Variants in DIP2B observed in about 807,000 individuals in gnomAD.
DIP2B encodes DIP2 acetate--CoA ligase B (putative), also known as disco-interacting protein 2 homolog B.
DIP2B carries 76 observed loss-of-function variants against 198.0 expected under a neutral mutation model. The ratio of observed to expected loss-of-function variants is 0.38; its 90% confidence interval spans 0.32 to 0.46. DIP2B has a LOEUF of 0.46. Ranked by LOEUF, DIP2B falls within the 20% of genes least tolerant of loss-of-function variation. The pLI is 0.99. For synonymous variants in DIP2B, 701 were observed against 739.1 expected (o/e 0.95, Z 0.84); for missense variants, 1,559 against 1,978.4 (o/e 0.79, Z 4.02).
chr12:50,614,377 T>G (rs1937656605), intron 1 of DIP2B, among the ~76,000 whole-genome samples: 1 of 151,834 alleles, frequency 6.6e-6, no homozygotes, highest in African/African-American at 2.4e-5. Context: ...AGGATTCCTT[T>G]TCTGGTTGCC....
chr12:50,550,543 C>T (rs1238804807), intron 1 of DIP2B, among the ~76,000 whole-genome samples: 2 of 152,114 alleles, frequency 1.3e-5, no homozygotes, highest in East Asian at 1.9e-4. Flanking sequence ...ACAGACTTTT[C>T]CATCCCTCAT....
At position 50,746,249 on chromosome 12, in the gene DIP2B, T is replaced by C. The variant is rs1940339669; in HGVS notation, c.*1410T>C. ...TTCTTAACAGAAATATTTTTAAAAA[T>C]GAAAAAGTACTCAAAAGTGAGAAGA... On this transcript the variant is annotated 3_prime_UTR_variant, in exon 38 of 38. Transcript: ENST00000301180. 1 of 152,168 alleles carries C rather than the reference T, an allele frequency of 6.6e-6. No homozygotes were observed. Among genetic ancestry groups the C allele is most frequent in the African/African-American group, 2.4e-5 (1 of 41,448 alleles). The allele number at this position is 152,168 out of a possible 1,614,324, so 9.4% of individuals were successfully genotyped here.
intron 4 of DIP2B, among the ~76,000 whole-genome samples, chr12:50,670,594 T>C (rs1938835064): frequency 6.6e-6 from 1 of 152,002 alleles, no homozygotes; most frequent in South Asian, 2.1e-4. Context: ...TTTTTGTATT[T>C]TTAGTAGAGA....
chr12:50,540,404 C>T (rs564970807), intron 1 of DIP2B, among the ~76,000 whole-genome samples: 1 of 151,636 alleles, frequency 6.6e-6, no homozygotes, highest in South Asian at 2.1e-4. Context: ...CCACCGTGCC[C>T]AGCCAGCTAT....
chr12:50,663,483 A>G (rs893069523), intron 4 of DIP2B, among the ~76,000 whole-genome samples: 4 of 150,628 alleles, frequency 2.7e-5, no homozygotes, highest in African/African-American at 9.8e-5. Flanking sequence ...GTGAACCTGG[A>G]AGGCAGAGCT....
chr12:50,517,492 C>T (rs1319525766), intron 1 of DIP2B, among the ~76,000 whole-genome samples: 1 of 152,150 alleles, frequency 6.6e-6, no homozygotes, highest in Non-Finnish European at 1.5e-5. Flanking sequence ...TCTCCTAACT[C>T]ATCAGCCTGT....
At chr12:50,685,614 T>C (rs1939117979) in intron 10 of DIP2B, among the ~76,000 whole-genome samples, 1 of 152,268 alleles carries the variant, frequency 6.6e-6, no homozygotes, top group South Asian at 2.1e-4. Flanking sequence ...ATTTGTAATG[T>C]CTGGTTAATA....
Position 50,679,136 on chromosome 12 carries a change from C to G in DIP2B, c.1114+260C>G, listed in dbSNP as rs1938996460. On this transcript the variant is annotated intron_variant, in intron 8 of 37. Coordinates refer to ENST00000301180, the MANE Select transcript of DIP2B (RefSeq NM_173602.3). ...TACATCCATAGATGTTTTAACATTA[C>G]AAGAGGATTTTAGAAAAACATTTGG... is the stretch of plus-strand genomic sequence containing the variant. The G allele has an allele frequency of 1.2e-5, 5 of 425,604 alleles. No individual in the cohort carries two copies. The South Asian group carries it at 1.5e-4, about 13-fold the overall frequency. The allele number at this position is 425,604 out of a possible 1,614,324, so 26.4% of individuals were successfully genotyped here.
At chr12:50,577,280 T>C (rs960450176) in intron 1 of DIP2B, among the ~76,000 whole-genome samples, 2 of 152,000 alleles carry the variant, frequency 1.3e-5, no homozygotes, top group Admixed American at 6.6e-5. Flanking sequence ...GCCTGTAATC[T>C]CAGCACTTTG....
At chr12:50,517,263 G>C (rs1958074376) in intron 1 of DIP2B, among the ~76,000 whole-genome samples, 1 of 151,656 alleles carries the variant, frequency 6.6e-6, no homozygotes. Flanking sequence ...ATTAAATAGA[G>C]ATGGGGTTTT....
chr12:50,644,499 C>T (rs1239250315), intron 3 of DIP2B, among the ~76,000 whole-genome samples: 2 of 152,142 alleles, frequency 1.3e-5, no homozygotes, highest in Non-Finnish European at 2.9e-5. Flanking sequence ...GAGAGATGTC[C>T]AAAGTCACTT....
intron 1 of DIP2B, among the ~76,000 whole-genome samples, chr12:50,561,760 A>G (rs1163822092): frequency 1.3e-5 from 2 of 152,156 alleles, no homozygotes; most frequent in African/African-American, 4.8e-5. Flanking sequence ...GGCGTGTGCA[A>G]CCATGCTTGG....
chr12:50,510,196 C>A (rs935425270), intron 1 of DIP2B, among the ~76,000 whole-genome samples: 1 of 151,664 alleles, frequency 6.6e-6, no homozygotes, highest in Non-Finnish European at 1.5e-5. Context: ...TTGTGATTGT[C>A]AAAAAAAATC....
chr12:50,531,926 A>C (rs991973938), intron 1 of DIP2B, among the ~76,000 whole-genome samples: 15 of 152,234 alleles, frequency 9.9e-5, no homozygotes, highest in African/African-American at 4.8e-5. Flanking sequence ...TATGTTAAGA[A>C]GGTAGAGACT....
rs776852266 is a variant in DIP2B at position 50,732,384 on chromosome 12, T to G, written c.3829T>G (p.Ser1277Ala). ...CTTGCAGACCAGAGGGATCAACCTC[T>G]CCTGCGTCCGGACCTGTGTGGTGGT... ...EVLKTRGINL[S>A]CVRTCVVVAE... Residue 1277 changes from serine to alanine, a missense_variant, in exon 32 of 38, where the codon TCC (serine) becomes GCC (alanine). Ser to Ala is a moderately conservative substitution (Grantham distance 99, BLOSUM62 1). Transcript: ENST00000301180. The G allele has an allele frequency of 6.2e-7, 1 of 1,614,222 alleles. No homozygotes were observed. The highest frequency in any genetic ancestry group is 8.5e-7 in the Non-Finnish European group (1 of 1,180,038).
intron 19 of DIP2B, among the ~76,000 whole-genome samples, chr12:50,703,596 A>G (rs2139564246): frequency 6.6e-6 from 1 of 152,340 alleles, no homozygotes; most frequent in Admixed American, 6.5e-5. Context: ...TTGTTTCTGC[A>G]AATCTTTTTG....
At chr12:50,694,068 A>G (rs1939265057) in intron 14 of DIP2B, among the ~76,000 whole-genome samples, 1 of 152,198 alleles carries the variant, frequency 6.6e-6, no homozygotes, top group Non-Finnish European at 1.5e-5. Context: ...GACCTCCTGT[A>G]AGAAACAGGG....
At chr12:50,544,143 G>A (rs547953930) in intron 1 of DIP2B, among the ~76,000 whole-genome samples, 1 of 149,580 alleles carries the variant, frequency 6.7e-6, no homozygotes, top group East Asian at 2.0e-4. Context: ...CAGGGGAATC[G>A]CTTGAACCTG....
intron 1 of DIP2B, among the ~76,000 whole-genome samples, chr12:50,554,634 T>C (rs1478198414): frequency 3.9e-5 from 6 of 152,328 alleles, no homozygotes; most frequent in Non-Finnish European, 8.8e-5. Flanking sequence ...CAGCCGTCTC[T>C]AGTTTCTTAG....
Sources: allele counts gnomAD v4.1 joint callset (sites outside exome capture counted in the v4.1 genomes callset), GRCh38; gene constraint gnomAD v4.1.1; transcripts MANE v1.5; gene names NCBI Gene and HGNC (gene_info 2026-07-23, HGNC 2026-07-21).